ZNF469: variants seen among roughly 807,000 people sequenced by gnomAD.
ZNF469 encodes the protein zinc finger protein 469.
Under a neutral mutation model 1.0 loss-of-function variants are expected in ZNF469, and 1 was observed. The observed-to-expected ratio is 1.00, with a 90% confidence interval of 0.35 to 4.73. ZNF469 has a LOEUF of 4.73. Among genes scored for constraint, ZNF469 ranks in the 30% most tolerant of loss-of-function variants. The pLI is 0.16. For missense variants in ZNF469, 6,100 were observed against 5,356.3 expected, an observed-to-expected ratio of 1.14 and a Z score of -4.33; for synonymous variants, 2,703 against 2,363.4, an observed-to-expected ratio of 1.14 and a Z score of -4.17.
the ZNF469 span, among the ~76,000 whole-genome samples, chr16:88,328,141 C>A: frequency 6.6e-6 from 1 of 152,242 alleles, no homozygotes; most frequent in African/African-American, 2.4e-5. Context: ...GAAGGAGGAG[C>A]TGCCGAGTCT....
At chr16:88,235,479 C>T in the ZNF469 span, among the ~76,000 whole-genome samples, 1 of 152,206 alleles carries the variant, frequency 6.6e-6, no homozygotes, top group Non-Finnish European at 1.5e-5. Flanking sequence ...AAGAGTAAAA[C>T]CTCTCCACGC....
chr16:88,419,559 G>A (rs1010292745), intron 1 of ZNF469, among the ~76,000 whole-genome samples: 1 of 152,186 alleles, frequency 6.6e-6, no homozygotes, highest in Non-Finnish European at 1.5e-5. Flanking sequence ...GGTGGGACAG[G>A]TGGGGCCCTG....
chr16:88,128,439 C>T, the ZNF469 span, among the ~76,000 whole-genome samples: 33 of 152,066 alleles, frequency 2.2e-4, no homozygotes, highest in Admixed American at 3.9e-4. Flanking sequence ...TTTTGCTGTT[C>T]TCACCCTCCA....
At chr16:88,378,445 A>G (rs777535896), upstream of ZNF469, among the ~76,000 whole-genome samples, 35 of 152,128 alleles carry the variant, frequency 2.3e-4, no homozygotes, top group Non-Finnish European at 4.7e-4. Context: ...GCTTGCACGC[A>G]TCGTAACGGG....
the ZNF469 span, among the ~76,000 whole-genome samples, chr16:88,198,393 G>C: frequency 6.6e-6 from 1 of 152,198 alleles, no homozygotes; most frequent in East Asian, 1.9e-4. Context: ...CCGGTGGGGG[G>C]CTGGGCAGAG....
At chr16:88,415,020 C>T (rs1051929544) in intron 1 of ZNF469, among the ~76,000 whole-genome samples, 3 of 152,236 alleles carry the variant, frequency 2.0e-5, no homozygotes, top group Admixed American at 1.3e-4. Flanking sequence ...CAGGGAAGGG[C>T]ACTGCCTCGG....
At chr16:88,399,288 C>G (rs572912236) in intron 1 of ZNF469, among the ~76,000 whole-genome samples, 2 of 152,376 alleles carry the variant, frequency 1.3e-5, no homozygotes, top group South Asian at 4.1e-4. Flanking sequence ...CTGCCGCATC[C>G]CAATGATCAA....
intron 1 of ZNF469, among the ~76,000 whole-genome samples, chr16:88,391,723 A>G (rs1904497352): frequency 6.6e-6 from 1 of 152,234 alleles, no homozygotes; most frequent in African/African-American, 2.4e-5. Flanking sequence ...GCGAGGGGAC[A>G]GGCTTATGGC....
the ZNF469 span, among the ~76,000 whole-genome samples, chr16:88,310,629 C>G: frequency 6.6e-6 from 1 of 151,468 alleles, no homozygotes; most frequent in African/African-American, 2.4e-5. Context: ...GTTGCCCAGG[C>G]TGGAGTGCAG....
chr16:88,160,386 C>G, the ZNF469 span, among the ~76,000 whole-genome samples: 1 of 152,204 alleles, frequency 6.6e-6, no homozygotes, highest in Non-Finnish European at 1.5e-5. Context: ...GGCATCTGTC[C>G]GAGACCGGCA....
the ZNF469 span, among the ~76,000 whole-genome samples, chr16:88,206,196 T>C: frequency 6.6e-6 from 1 of 152,184 alleles, no homozygotes; most frequent in Non-Finnish European, 1.5e-5. Context: ...ATAGGACTTG[T>C]TTTTCTTCAA....
At chr16:88,236,841 G>A in the ZNF469 span, among the ~76,000 whole-genome samples, 5 of 148,720 alleles carry the variant, frequency 3.4e-5, no homozygotes, top group Non-Finnish European at 5.9e-5. Context: ...CAGACACAGC[G>A]AGACTCTGTC....
At chr16:88,168,266 G>A in the ZNF469 span, among the ~76,000 whole-genome samples, 1 of 152,296 alleles carries the variant, frequency 6.6e-6, no homozygotes, top group South Asian at 2.1e-4. This position sits in a 1 kb window ranked among gnomAD's most constrained non-coding sequence, Gnocchi z 4.3. Context: ...ACTGAACTTG[G>A]CCGAACATTT....
chr16:88,146,349 TC>T, the ZNF469 span, among the ~76,000 whole-genome samples: 1 of 152,096 alleles, frequency 6.6e-6, no homozygotes, highest in Non-Finnish European at 1.5e-5. Context: ...TTGTGCCTGC[TC>T]CATTTATTAA....
chr16:88,376,045 G>A, the ZNF469 span, among the ~76,000 whole-genome samples: 3 of 152,230 alleles, frequency 2.0e-5, no homozygotes, highest in Non-Finnish European at 1.5e-5. Flanking sequence ...GAAAACCCGC[G>A]TACACTGAGG....
the ZNF469 span, among the ~76,000 whole-genome samples, chr16:88,217,406 C>G: frequency 4.5e-3 from 685 of 152,170 alleles, 4 homozygotes; most frequent in African/African-American, 0.016. Context: ...GTCCTGAAGT[C>G]TAAACATTGC....
At chr16:88,152,729 AT>A in the ZNF469 span, among the ~76,000 whole-genome samples, 2 of 151,558 alleles carry the variant, frequency 1.3e-5, no homozygotes, top group South Asian at 2.1e-4. This position sits in a 1 kb window ranked among gnomAD's most constrained non-coding sequence, Gnocchi z 4.2. Context: ...CCCTCTCTTC[AT>A]TTCCAGAGAA....
rs142753357 is a variant in ZNF469, at chr16:88,436,112, G to T, written c.8642G>T (p.Arg2881Leu). The T allele has an allele frequency of 1.4e-5, 22 of 1,548,682 alleles. No individual in the cohort carries two copies. The highest frequency in any genetic ancestry group is 1.9e-5 in the Non-Finnish European group (22 of 1,146,980). ...RKRNPHVYGK[R>L]CEKPVLPLPT... ...AGGAACCCGCATGTCTACGGGAAGCGCTGTGAGAAGCCGGTGCTCCCGCTG... is the reference window on the plus strand; with the variant it reads ...AGGAACCCGCATGTCTACGGGAAGCTCTGTGAGAAGCCGGTGCTCCCGCTG... Residue 2881 changes from arginine (R) to leucine (L), a missense_variant, in exon 3 of 3, where the codon CGC (arginine) becomes CTC (leucine). Coordinates refer to ENST00000565624, the MANE Select transcript of ZNF469 (RefSeq NM_001367624.2).
At chr16:88,282,691 G>C in the ZNF469 span, among the ~76,000 whole-genome samples, 1 of 152,216 alleles carries the variant, frequency 6.6e-6, no homozygotes, top group South Asian at 2.1e-4. Flanking sequence ...GTGCAGAGCA[G>C]AGTCCCACAG....
Sources: gnomAD v4.1 joint callset for allele counts (sites outside exome capture counted in the v4.1 genomes callset) on GRCh38, gnomAD v4.1.1 for gene constraint, Gnocchi (gnomAD v3.1) non-coding constraint, MANE v1.5 for transcripts, NCBI Gene and HGNC (gene_info 2026-07-23, HGNC 2026-07-21) for gene names.